PAN3: variants seen among roughly 807,000 people sequenced by gnomAD.
The protein encoded by PAN3 is PAN2-PAN3 deadenylation complex subunit PAN3.
A neutral mutation model predicts 96.2 loss-of-function variants in PAN3; 19 were observed. The ratio of observed to expected loss-of-function variants is 0.20; its 90% CI spans 0.14 to 0.29. The LOEUF (loss-of-function observed/expected upper bound fraction) is 0.29. Among genes scored for constraint, PAN3 ranks in the 10% least tolerant of loss-of-function variants. The pLI is 1.00. For synonymous variants in PAN3, 433 were observed against 406.6 expected, an observed-to-expected ratio of 1.06 and a Z score of -0.78; for missense variants, 882 against 1,108.1, an observed-to-expected ratio of 0.80 and a Z score of 2.90.
At chr13:28,272,871 C>T (rs1886747751) in intron 14 of PAN3, among the ~76,000 whole-genome samples, 1 of 151,988 alleles carries the variant, frequency 6.6e-6, no homozygotes, top group Admixed American at 6.6e-5. Context: ...GCCCGGCCTC[C>T]TGATAACGTC....
intron 6 of PAN3, among the ~76,000 whole-genome samples, chr13:28,230,799 T>TAC (rs1882467670): frequency 6.6e-6 from 1 of 152,138 alleles, no homozygotes. Flanking sequence ...AAGTTTCTTG[T>TAC]TTGTAAACAA....
intron 4 of PAN3, among the ~76,000 whole-genome samples, chr13:28,192,989 G>A (rs1482048330): frequency 1.3e-5 from 2 of 152,120 alleles, no homozygotes; most frequent in Non-Finnish European, 2.9e-5. Context: ...CTTAGGGCAG[G>A]AGTGTCCAAT....
intron 5 of PAN3, among the ~76,000 whole-genome samples, chr13:28,210,879 T>C (rs1023573406): frequency 6.6e-5 from 10 of 152,062 alleles, no homozygotes; most frequent in African/African-American, 2.4e-4. Flanking sequence ...TAGGTCTGAA[T>C]TGGGCTGCTC....
At chr13:28,163,912 CT>C (rs953744726) in intron 1 of PAN3, among the ~76,000 whole-genome samples, 49 of 152,252 alleles carry the variant, frequency 3.2e-4, no homozygotes, top group African/African-American at 1.1e-3. Flanking sequence ...AATAATCCCC[CT>C]TTTCCTCTAC....
At chr13:28,246,519 A>G (rs1013322945) in intron 6 of PAN3, among the ~76,000 whole-genome samples, 2 of 152,026 alleles carry the variant, frequency 1.3e-5, no homozygotes, top group African/African-American at 4.8e-5. Flanking sequence ...ATTGAACCCT[A>G]AGTCTTATTC....
intron 6 of PAN3, among the ~76,000 whole-genome samples, chr13:28,221,600 C>T (rs1268682585): frequency 6.6e-6 from 1 of 152,014 alleles, no homozygotes; most frequent in East Asian, 1.9e-4. Flanking sequence ...AGCTTAATAA[C>T]CTTGTGTTGC....
At chr13:28,190,025 ACT>A (rs1877035082) in intron 4 of PAN3, among the ~76,000 whole-genome samples, 1 of 152,070 alleles carries the variant, frequency 6.6e-6, no homozygotes, top group Non-Finnish European at 1.5e-5. Flanking sequence ...CTCACTGCAA[ACT>A]CTGCCCCCCG....
chr13:28,206,265 TC>T (rs1455547695), intron 5 of PAN3, among the ~76,000 whole-genome samples: 1 of 151,848 alleles, frequency 6.6e-6, no homozygotes, highest in Non-Finnish European at 1.5e-5. Context: ...ATTTTCCCTT[TC>T]CTTTTCACCA....
intron 13 of PAN3, 107 bp from the exon 14 acceptor site, chr13:28,271,874 A>G (rs1886649342): frequency 7.1e-6 from 5 of 705,326 alleles, no homozygotes; most frequent in Admixed American, 3.4e-5. Flanking sequence ...GTTAAACTCA[A>G]TTCTGAGATC....
At chr13:28,195,876 T>C (rs1289608293) in intron 4 of PAN3, among the ~76,000 whole-genome samples, 1 of 152,092 alleles carries the variant, frequency 6.6e-6, no homozygotes, top group Non-Finnish European at 1.5e-5. Flanking sequence ...GATGCACACT[T>C]GTGGAGTGGA....
intron 6 of PAN3, among the ~76,000 whole-genome samples, chr13:28,223,665 A>G (rs536800682): frequency 1.5e-4 from 23 of 151,546 alleles, no homozygotes; most frequent in South Asian, 4.2e-4. Flanking sequence ...CTGGAGAACC[A>G]CTGATTTAAC....
At position 28,294,394 on chromosome 13, in the gene PAN3, A is replaced by G. The variant is rs548958957; in HGVS notation, c.*1872A>G. ...TTTTATATGTTTTTTGACAAATCAT[A>G]TTGTATTCTTTTGTACAAAAAAGAA... On this transcript the variant is annotated 3_prime_UTR_variant, in exon 19 of 19. Transcript: ENST00000380958. 2.6e-5 allele frequency: 4 copies of G among 152,648 alleles called. No homozygotes were observed. The highest frequency in any genetic ancestry group is 5.9e-5 in the Non-Finnish European group (4 of 68,016). The allele number at this position is 152,648 out of a possible 1,614,324, so 9.5% of individuals were successfully genotyped here.
At chr13:28,229,393 T>A (rs1882312882) in intron 6 of PAN3, among the ~76,000 whole-genome samples, 2 of 152,238 alleles carry the variant, frequency 1.3e-5, no homozygotes, top group Non-Finnish European at 2.9e-5. Context: ...CCAAAATTTT[T>A]CCATAGTACT....
intron 1 of PAN3, among the ~76,000 whole-genome samples, chr13:28,168,087 T>C (rs959512406): frequency 1.3e-5 from 2 of 152,182 alleles, no homozygotes; most frequent in African/African-American, 2.4e-5. Context: ...TAATATCACA[T>C]TGTGGATTAA....
intron 5 of PAN3, chr13:28,214,629 T>C (rs564895497): frequency 7.4e-5 from 31 of 421,368 alleles, no homozygotes; most frequent in African/African-American, 5.4e-4. Context: ...AAAAGAATCA[T>C]TGAAAAATTG....
At chr13:28,291,957 T>A (rs557369340) in intron 18 of PAN3, among the ~76,000 whole-genome samples, 8 of 152,302 alleles carry the variant, frequency 5.3e-5, no homozygotes, top group Non-Finnish European at 1.2e-4. Flanking sequence ...TAAAATTTTT[T>A]AAAAACCAAT....
At chr13:28,215,416 C>G (rs1880616299) in intron 5 of PAN3, 1 of 717,744 alleles carries the variant, frequency 1.4e-6, no homozygotes, top group Non-Finnish European at 2.6e-6. Context: ...GAGTGAAGCT[C>G]TTCTTGGAGA....
chr13:28,214,760 A>AAC (rs1880521596), intron 5 of PAN3: 2 of 553,966 alleles, frequency 3.6e-6, no homozygotes, highest in Admixed American at 5.0e-5. Flanking sequence ...ACTTGAGACC[A>AAC]ACAAGTACTA....
intron 6 of PAN3, among the ~76,000 whole-genome samples, chr13:28,226,461 A>G (rs1291969532): frequency 6.6e-6 from 1 of 152,168 alleles, no homozygotes; most frequent in Non-Finnish European, 1.5e-5. Context: ...TATCCTTCTA[A>G]TTAATTAATT....
Sources: allele counts gnomAD v4.1 joint callset (sites outside exome capture counted in the v4.1 genomes callset), GRCh38; gene constraint gnomAD v4.1.1; transcripts MANE v1.5; gene names NCBI Gene and HGNC (gene_info 2026-07-23, HGNC 2026-07-21).